Variants in ANO3 observed in about 807,000 individuals in gnomAD.
The protein encoded by ANO3 is anoctamin-3.
ANO3 carries 99 observed loss-of-function variants against 144.8 expected under a neutral mutation model. The observed-to-expected ratio is 0.68, with a 90% confidence interval of 0.58 to 0.81. The LOEUF (loss-of-function observed/expected upper bound fraction) is 0.81, where lower values mean the gene tolerates loss of function less well. ANO3 is among the 30% of genes least tolerant of loss of function. The pLI is 0.00. For missense variants in ANO3, 905 were observed against 1,202.2 expected (o/e 0.75, Z 3.66); for synonymous variants, 414 against 392.6 (o/e 1.05, Z -0.64).
At chr11:26,592,626 G>T (rs1393933113) in intron 14 of ANO3, among the ~76,000 whole-genome samples, 1 of 148,900 alleles carries the variant, frequency 6.7e-6, no homozygotes, top group Non-Finnish European at 1.5e-5. Flanking sequence ...CCTGTTCTTT[G>T]TTCTCCTGAA....
At chr11:26,365,118 A>C (rs187692693) in intron 1 of ANO3, among the ~76,000 whole-genome samples, 12 of 152,362 alleles carry the variant, frequency 7.9e-5, no homozygotes, top group Non-Finnish European at 1.6e-4. Flanking sequence ...CAGGCCACAC[A>C]CAAGTTTGAA....
chr11:26,482,529 G>A (rs893528966), intron 4 of ANO3, among the ~76,000 whole-genome samples: 6 of 151,612 alleles, frequency 4.0e-5, no homozygotes, highest in African/African-American at 1.5e-4. Flanking sequence ...TCACCTCTGT[G>A]TAAGGGAAAT....
At chr11:26,338,502 A>G (rs193050859) in intron 1 of ANO3, among the ~76,000 whole-genome samples, 5 of 152,324 alleles carry the variant, frequency 3.3e-5, no homozygotes, top group Admixed American at 2.0e-4. Flanking sequence ...AAATAAGGGA[A>G]CAAAAGCTGG....
intron 3 of ANO3, among the ~76,000 whole-genome samples, chr11:26,457,925 T>G (rs1342235184): frequency 6.6e-6 from 1 of 152,154 alleles, no homozygotes; most frequent in Non-Finnish European, 1.5e-5. Context: ...TCTTAACTCT[T>G]TGATCTTTTT....
At chr11:26,363,520 C>A (rs553905999) in intron 1 of ANO3, among the ~76,000 whole-genome samples, 1 of 152,176 alleles carries the variant, frequency 6.6e-6, no homozygotes, top group South Asian at 2.1e-4. Context: ...TTCCTCTTAT[C>A]AGGACACCAG....
chr11:26,229,726 A>G (rs1852348244), intron 1 of ANO3, among the ~76,000 whole-genome samples: 1 of 152,204 alleles, frequency 6.6e-6, no homozygotes. Context: ...TGTTTAAAAT[A>G]AGCACCCTCT....
At position 26,565,318 on chromosome 11, in the gene ANO3, T is replaced by C; in HGVS notation, c.1447+5539T>C. ...CCACTTGGTTCCACTATCAAGGGGGTCACAGATGGAGAAGTTGGTTCTGAA... is the reference window on the plus strand; with the variant it reads ...CCACTTGGTTCCACTATCAAGGGGGCCACAGATGGAGAAGTTGGTTCTGAA... On this transcript the variant is annotated intron_variant, in intron 14 of 26. Coordinates refer to ENST00000256737, the MANE Select transcript of ANO3 (RefSeq NM_031418.4). The C allele has an allele frequency of 6.2e-7, 1 of 1,610,328 alleles. No individual in the cohort carries two copies. Among genetic ancestry groups the C allele is most frequent in the Middle Eastern group, 1.7e-4 (1 of 6,048 alleles).
At chr11:26,446,056 T>G (rs1245313214) in intron 3 of ANO3, among the ~76,000 whole-genome samples, 2 of 152,042 alleles carry the variant, frequency 1.3e-5, no homozygotes, top group African/African-American at 4.8e-5. Flanking sequence ...GGTCTCAAAC[T>G]CCCAACCTCA....
rs191649250 is a variant in ANO3, at chr11:26,480,586, T to C, written c.432+17438T>C. Among the ~76,000 whole-genome samples, 440 of 152,202 alleles carry C rather than the reference T, an allele frequency of 2.9e-3. 1 individual carries two copies. The highest frequency in any genetic ancestry group is 5.1e-3 in the Non-Finnish European group (345 of 68,016). On this transcript the variant is annotated intron_variant, in intron 4 of 26. Coordinates refer to ENST00000256737, the MANE Select transcript of ANO3 (RefSeq NM_031418.4). ...ACTTTGGGAGGCCAAGATGTGTGGA[T>C]CGCTTGAGGTAAGGAGTTTGAGAAC...
chr11:26,230,514 T>C (rs1394767659), intron 1 of ANO3, among the ~76,000 whole-genome samples: 2 of 152,006 alleles, frequency 1.3e-5, no homozygotes, highest in Middle Eastern at 3.2e-3. Flanking sequence ...ATTTATCTTT[T>C]GGCCAGGCAC....
At chr11:26,329,214 C>T (rs972156977), upstream of ANO3, among the ~76,000 whole-genome samples, 1 of 152,032 alleles carries the variant, frequency 6.6e-6, no homozygotes, top group African/African-American at 2.4e-5. Flanking sequence ...TACCCCAACA[C>T]AGAATTTTTA....
intron 1 of ANO3, among the ~76,000 whole-genome samples, chr11:26,274,839 T>G (rs1853522758): frequency 6.6e-6 from 1 of 152,046 alleles, no homozygotes; most frequent in Non-Finnish European, 1.5e-5. Context: ...CTACTCTTCT[T>G]CAACTATCAA....
Position 26,492,563 on chromosome 11 carries a change from A to C in ANO3, c.433-15541A>C, listed in dbSNP as rs536938659. 7.2e-5 allele frequency among the ~76,000 whole-genome samples: 11 copies of C among 152,316 alleles called. No homozygotes were observed. In the South Asian group the frequency reaches 2.1e-3, roughly 29 times the overall value. On this transcript the variant is annotated intron_variant, in intron 4 of 26. Coordinates refer to ENST00000256737, the MANE Select transcript of ANO3 (RefSeq NM_031418.4). ...TTTAATAAAGTACTCTTATGTGTATATAGTTCTCATCCTGTCCCACACTCA... is the reference window on the plus strand; with the variant it reads ...TTTAATAAAGTACTCTTATGTGTATCTAGTTCTCATCCTGTCCCACACTCA...
intron 1 of ANO3, among the ~76,000 whole-genome samples, chr11:26,197,828 C>T (rs1297403455): frequency 6.6e-6 from 1 of 152,154 alleles, no homozygotes; most frequent in Non-Finnish European, 1.5e-5. Context: ...TTTTAATCCT[C>T]ATCCACATTA....
intron 1 of ANO3, among the ~76,000 whole-genome samples, chr11:26,197,259 A>C (rs1292291442): frequency 6.6e-6 from 1 of 152,122 alleles, no homozygotes; most frequent in Non-Finnish European, 1.5e-5. Flanking sequence ...AGAAAACAAA[A>C]AAGATCCTAC....
At chr11:26,608,275 A>C (rs926409380) in intron 17 of ANO3, among the ~76,000 whole-genome samples, 1 of 152,130 alleles carries the variant, frequency 6.6e-6, no homozygotes, top group African/African-American at 2.4e-5. Flanking sequence ...TAGATGTCAC[A>C]CAAGGAGGCT....
intron 5 of ANO3, among the ~76,000 whole-genome samples, chr11:26,515,779 T>C (rs1002710394): frequency 6.6e-6 from 1 of 151,982 alleles, no homozygotes; most frequent in Non-Finnish European, 1.5e-5. Flanking sequence ...GTGTCTAACC[T>C]GGTGGGTGCA....
intron 4 of ANO3, among the ~76,000 whole-genome samples, chr11:26,494,226 ATG>A (rs202161765): frequency 2.0e-5 from 3 of 150,790 alleles, no homozygotes; most frequent in African/African-American, 4.9e-5. Flanking sequence ...ATTCATATAT[ATG>A]TGTGTGTATA....
chr11:26,228,759 A>G (rs919676276), intron 1 of ANO3, among the ~76,000 whole-genome samples: 2 of 152,204 alleles, frequency 1.3e-5, no homozygotes, highest in Admixed American at 6.5e-5. Context: ...AGAGAAGGGC[A>G]TGCTCTTGGA....
Sources: gnomAD v4.1 joint callset for allele counts (sites outside exome capture counted in the v4.1 genomes callset) on GRCh38, gnomAD v4.1.1 for gene constraint, MANE v1.5 for transcripts, NCBI Gene and HGNC (gene_info 2026-07-23, HGNC 2026-07-21) for gene names.